NIBAN1: variants seen among roughly 807,000 people sequenced by gnomAD.
NIBAN1 encodes the protein protein Niban 1.
A neutral mutation model predicts 75.1 loss-of-function variants in NIBAN1; 81 were observed. The ratio of observed to expected loss-of-function variants is 1.08; its 90% CI spans 0.90 to 1.30. NIBAN1 has a LOEUF of 1.30. NIBAN1 is among the 50% of genes most tolerant of loss of function. The pLI, the probability that NIBAN1 is intolerant of heterozygous loss-of-function variation, is 0.00. For missense variants in NIBAN1, 1,133 were observed against 1,128.1 expected (o/e 1.00, Z -0.06); for synonymous variants, 436 against 424.8 (o/e 1.03, Z -0.32).
At chr1:184,951,294 C>A (rs1170663912) in intron 1 of NIBAN1, among the ~76,000 whole-genome samples, 2 of 152,180 alleles carry the variant, frequency 1.3e-5, no homozygotes, top group Non-Finnish European at 2.9e-5. Flanking sequence ...TAGTGCCTGG[C>A]AGGTAATTAA....
At chr1:184,889,276 C>T (rs1011418295) in intron 4 of NIBAN1, among the ~76,000 whole-genome samples, 2 of 152,152 alleles carry the variant, frequency 1.3e-5, no homozygotes, top group Admixed American at 6.6e-5. Context: ...AAGTTCAAAG[C>T]CCTGTTTTTG....
chr1:184,842,713 T>TCCTAG (rs1473123756), intron 5 of NIBAN1, among the ~76,000 whole-genome samples: 35 of 151,660 alleles, frequency 2.3e-4, no homozygotes, highest in African/African-American at 8.0e-4. Flanking sequence ...AGATTGTGCC[T>TCCTAG]TTGCACGATC....
At chr1:184,832,072 A>T in intron 5 of NIBAN1, 110 bp from the exon 6 acceptor site, 1 of 770,566 alleles carries the variant, frequency 1.3e-6, no homozygotes, top group Non-Finnish European at 2.2e-6. Flanking sequence ...ATGACAAGGC[A>T]TGGGATTATA....
At chr1:184,873,073 A>T (rs1656150526) in intron 5 of NIBAN1, among the ~76,000 whole-genome samples, 1 of 152,258 alleles carries the variant, frequency 6.6e-6, no homozygotes. Flanking sequence ...ATGAAACAAA[A>T]TATTCAATGT....
chr1:184,928,839 T>C lies in NIBAN1; in HGVS notation c.56-29530A>G, dbSNP rs143344307. On this transcript the variant is annotated intron_variant, in intron 1 of 13. Transcript: ENST00000367511. ...TTATAAAGGTGATTTTCTGTGTGAATAGTTGTACAATTTGGTGTTCCTGCA... is the reference window on the plus strand; with the variant it reads ...TTATAAAGGTGATTTTCTGTGTGAACAGTTGTACAATTTGGTGTTCCTGCA... 5.3e-5 allele frequency among the ~76,000 whole-genome samples: 8 copies of C among 152,258 alleles called. No individual in the cohort carries two copies. The East Asian group carries it at 9.7e-4, about 18-fold the overall frequency.
rs1296182042 is a variant in NIBAN1 at position 184,794,956 on chromosome 1, A to ACTT, written c.*18_*20dup. 6.2e-6 allele frequency: 10 copies of ACTT among 1,604,598 alleles called. No homozygotes were observed. Among genetic ancestry groups the ACTT allele is most frequent in the Non-Finnish European group, 8.5e-6 (10 of 1,179,886 alleles). The stretch of plus-strand genomic sequence containing the variant: ...ACCCTTTGGCTTTTTTCAGAGAAAG[A>ACTT]CTTCAGCCAAATTGTCCCTTTCACT... On this transcript the variant is annotated 3_prime_UTR_variant, in exon 14 of 14. Transcript: ENST00000367511.
chr1:184,961,108 G>A (rs1461848689), intron 1 of NIBAN1, among the ~76,000 whole-genome samples: 6 of 113,992 alleles, frequency 5.3e-5, no homozygotes, highest in Non-Finnish European at 9.8e-5. Flanking sequence ...TTGCTCTGTC[G>A]CCCAGGCTGG....
intron 1 of NIBAN1, among the ~76,000 whole-genome samples, chr1:184,966,743 CTA>C (rs1210907716): frequency 6.6e-6 from 1 of 151,712 alleles, no homozygotes; most frequent in Non-Finnish European, 1.5e-5. Flanking sequence ...CTGTCTGGGC[CTA>C]TGTTTTCTTT....
rs144590562 is a variant in NIBAN1, at chr1:184,869,824, G to T, written c.601+14809C>A. On this transcript the variant is annotated intron_variant, in intron 5 of 13. Coordinates refer to ENST00000367511, the MANE Select transcript of NIBAN1 (RefSeq NM_052966.4). ...CCCAACGTGCTAGGATTACGGGCGT[G>T]AGCCACTGCGCTCGGCCCACCATTC... Among the ~76,000 whole-genome samples the T allele has an allele frequency of 2.6e-4, 39 of 152,282 alleles. No individual in the cohort carries two copies. The East Asian group carries it at 7.3e-3, about 29-fold the overall frequency.
intron 1 of NIBAN1, among the ~76,000 whole-genome samples, chr1:184,963,279 C>T (rs1296061444): frequency 1.3e-5 from 2 of 151,904 alleles, no homozygotes; most frequent in South Asian, 2.1e-4. Context: ...AGCAACTTAA[C>T]GAAAAGGGGG....
chr1:184,900,215 A>G (rs1409251411), intron 1 of NIBAN1, among the ~76,000 whole-genome samples: 1 of 152,084 alleles, frequency 6.6e-6, no homozygotes, highest in Non-Finnish European at 1.5e-5. Flanking sequence ...CTCTGCTCCA[A>G]TATTTCTGGT....
intron 1 of NIBAN1, among the ~76,000 whole-genome samples, chr1:184,972,665 C>T (rs1244133026): frequency 6.6e-6 from 1 of 152,228 alleles, no homozygotes; most frequent in Non-Finnish European, 1.5e-5. Flanking sequence ...CATTCAAACA[C>T]TTGCATTACA....
chr1:184,886,773 C>T (rs1317257502), intron 4 of NIBAN1, among the ~76,000 whole-genome samples: 1 of 152,168 alleles, frequency 6.6e-6, no homozygotes, highest in Non-Finnish European at 1.5e-5. Context: ...ATTGAAAGCA[C>T]TGGGAATACA....
chr1:184,943,283 A>G lies in NIBAN1; in HGVS notation c.55+31019T>C, dbSNP rs114247839. ...TTCATTGGCCAACAAATGGAAAAAC[A>G]AGGGGTTTAGCCTGAGAAAGTAAAG... On this transcript the variant is annotated intron_variant, in intron 1 of 13. Coordinates refer to ENST00000367511, the MANE Select transcript of NIBAN1 (RefSeq NM_052966.4). Among the ~76,000 whole-genome samples the G allele has an allele frequency of 3.0e-3, 454 of 152,304 alleles. 8 individuals carry two copies. The highest frequency in any genetic ancestry group is 0.01 in the African/African-American group (434 of 41,542).
At chr1:184,816,760 G>C (rs1654547181) in intron 9 of NIBAN1, among the ~76,000 whole-genome samples, 1 of 151,516 alleles carries the variant, frequency 6.6e-6, no homozygotes, top group African/African-American at 2.4e-5. Flanking sequence ...TTCCCAGTGG[G>C]TTTCAAAACC....
intron 1 of NIBAN1, among the ~76,000 whole-genome samples, chr1:184,935,950 TGAGA>T (rs1195968982): frequency 9.4e-5 from 14 of 148,408 alleles, no homozygotes. Context: ...TGCAGACTAG[TGAGA>T]GAGTTGCAGG....
At chr1:184,955,748 G>A (rs1407923825) in intron 1 of NIBAN1, among the ~76,000 whole-genome samples, 1 of 152,166 alleles carries the variant, frequency 6.6e-6, no homozygotes, top group Non-Finnish European at 1.5e-5. Flanking sequence ...TGTTGAGGGT[G>A]ATATAAAGGA....
At chr1:184,923,122 C>T (rs1456720429) in intron 1 of NIBAN1, among the ~76,000 whole-genome samples, 3 of 152,152 alleles carry the variant, frequency 2.0e-5, no homozygotes, top group Admixed American at 2.0e-4. Flanking sequence ...TGGGACATTA[C>T]TCAAGAAACC....
At chr1:184,893,587 C>A (rs1571552988) in intron 3 of NIBAN1, among the ~76,000 whole-genome samples, 1 of 152,244 alleles carries the variant, frequency 6.6e-6, no homozygotes, top group East Asian at 1.9e-4. Context: ...AAAACCCAGG[C>A]AGATTCAAAT....
Sources: allele counts gnomAD v4.1 joint callset (sites outside exome capture counted in the v4.1 genomes callset), GRCh38; gene constraint gnomAD v4.1.1; transcripts MANE v1.5; gene names NCBI Gene and HGNC (gene_info 2026-07-23, HGNC 2026-07-21).